ATRNL1: variants seen among roughly 807,000 people sequenced by gnomAD.
ATRNL1 encodes attractin-like protein 1.
In ATRNL1, 95 loss-of-function variants were observed where a neutral mutation model predicts 182.7. That is an observed-to-expected ratio of 0.52 (90% CI 0.44 to 0.62). ATRNL1 has a LOEUF of 0.62. ATRNL1 is among the 20% of genes least tolerant of loss of function. The pLI is 0.00. For missense variants in ATRNL1, 1,471 were observed against 1,679.5 expected (o/e 0.88, Z 2.17); for synonymous variants, 576 against 568.3 (o/e 1.01, Z -0.19).
At chr10:115,674,614 T>C (rs1029855813) in intron 26 of ATRNL1, among the ~76,000 whole-genome samples, 1 of 152,136 alleles carries the variant, frequency 6.6e-6, no homozygotes, top group African/African-American at 2.4e-5. Flanking sequence ...ATGAAATTTT[T>C]GTAAGTACTT....
intron 8 of ATRNL1, among the ~76,000 whole-genome samples, chr10:115,214,702 A>G (rs1849163455): frequency 6.6e-6 from 1 of 152,156 alleles, no homozygotes; most frequent in Non-Finnish European, 1.5e-5. Flanking sequence ...ACAGATTTTT[A>G]TATAGCTGCT....
chr10:115,697,967 CT>C (rs1444805918), intron 26 of ATRNL1, among the ~76,000 whole-genome samples: 4 of 152,122 alleles, frequency 2.6e-5, no homozygotes, highest in Non-Finnish European at 5.9e-5. Context: ...CCACTTTTCC[CT>C]TTTGAAACAC....
intron 28 of ATRNL1, among the ~76,000 whole-genome samples, chr10:115,860,220 C>T (rs1382727223): frequency 1.3e-5 from 2 of 152,160 alleles, no homozygotes; most frequent in African/African-American, 4.8e-5. Flanking sequence ...GTTCTCTGAA[C>T]CTGCTGTCTG....
At chr10:115,737,306 A>G (rs1339573263) in intron 27 of ATRNL1, among the ~76,000 whole-genome samples, 10 of 150,098 alleles carry the variant, frequency 6.7e-5, no homozygotes, top group African/African-American at 2.2e-4. Flanking sequence ...GCATGGTGGC[A>G]TGCATCTATG....
At chr10:115,396,826 T>C (rs1276628480) in intron 20 of ATRNL1, among the ~76,000 whole-genome samples, 2 of 151,936 alleles carry the variant, frequency 1.3e-5, no homozygotes, top group Non-Finnish European at 2.9e-5. Context: ...TTTTAATTCA[T>C]TGAAATAGTG....
intron 26 of ATRNL1, among the ~76,000 whole-genome samples, chr10:115,590,860 A>T (rs782690297): frequency 3.9e-5 from 6 of 152,156 alleles, no homozygotes; most frequent in Non-Finnish European, 8.8e-5. Flanking sequence ...CAGAGGTTTC[A>T]CCATCCCTCT....
chr10:115,389,545 T>TATAG (rs1843877576), intron 19 of ATRNL1, among the ~76,000 whole-genome samples: 1 of 9,710 alleles, frequency 1.0e-4, no homozygotes, highest in Non-Finnish European at 1.7e-4. Context: ...TATGTGTATA[T>TATAG]ATATATATAT....
chr10:115,410,997 A>C (rs782805703), intron 20 of ATRNL1, among the ~76,000 whole-genome samples: 1 of 152,114 alleles, frequency 6.6e-6, no homozygotes, highest in Non-Finnish European at 1.5e-5. Context: ...CGGCATCCCA[A>C]AGTACTGGGA....
intron 26 of ATRNL1, among the ~76,000 whole-genome samples, chr10:115,559,414 T>TTG (rs138709567): frequency 0.022 from 3,200 of 147,608 alleles, 41 homozygotes; most frequent in Non-Finnish European, 0.028. Context: ...TTCTTGGTGT[T>TTG]TGTGTGTGTG....
At chr10:115,392,648 G>T (rs1844086430) in intron 19 of ATRNL1, among the ~76,000 whole-genome samples, 1 of 152,144 alleles carries the variant, frequency 6.6e-6, no homozygotes, top group Admixed American at 6.6e-5. Flanking sequence ...TTTAGTTAAG[G>T]TCCTCTGTGT....
intron 26 of ATRNL1, among the ~76,000 whole-genome samples, chr10:115,588,441 G>C (rs1435884907): frequency 6.6e-6 from 1 of 152,172 alleles, no homozygotes; most frequent in Non-Finnish European, 1.5e-5. Context: ...TCTGTCAAAA[G>C]CCAAAACTTT....
At chr10:115,128,826 CA>C (rs369416130) in intron 4 of ATRNL1, among the ~76,000 whole-genome samples, 65,059 of 110,386 alleles carry the variant, frequency 0.59, 16,783 homozygotes, top group Middle Eastern at 0.71. Flanking sequence ...GACTGTGTCT[CA>C]AAAAAAAAAA....
chr10:115,320,046 A>T (rs145492699), intron 18 of ATRNL1, among the ~76,000 whole-genome samples: 218 of 151,912 alleles, frequency 1.4e-3, no homozygotes, highest in Non-Finnish European at 2.4e-3. Flanking sequence ...TTTCCATTCC[A>T]TATTTAGTGC....
At chr10:115,706,926 C>T (rs974989346) in intron 26 of ATRNL1, among the ~76,000 whole-genome samples, 2 of 151,826 alleles carry the variant, frequency 1.3e-5, no homozygotes, top group African/African-American at 4.8e-5. Flanking sequence ...GCTTCTATTT[C>T]ACAGAAAATT....
chr10:115,280,691 CTT>C (rs1852321851), intron 13 of ATRNL1, among the ~76,000 whole-genome samples: 1 of 152,168 alleles, frequency 6.6e-6, no homozygotes, highest in Non-Finnish European at 1.5e-5. Flanking sequence ...TCTGGTGTCT[CTT>C]TTGAAAAGAC....
intron 26 of ATRNL1, among the ~76,000 whole-genome samples, chr10:115,576,136 G>A (rs2804182): frequency 0.97 from 147,929 of 152,120 alleles, 72,089 homozygotes; most frequent in East Asian, 1. Context: ...CCATTCATGC[G>A]TTGATGGACA....
intron 26 of ATRNL1, among the ~76,000 whole-genome samples, chr10:115,558,084 A>T (rs57158754): frequency 6.6e-6 from 1 of 150,910 alleles, no homozygotes. Context: ...AAAACCATTT[A>T]AAATACCTGG....
rs1856612172 is a variant in ATRNL1, at chr10:115,358,777, T to C, written c.3175+24358T>C. ...AGTGGTCTAAACCAGTATGTTCTTATATTTTCTTTGACTCTCACATGCAAC... is the reference window on the plus strand; with the variant it reads ...AGTGGTCTAAACCAGTATGTTCTTACATTTTCTTTGACTCTCACATGCAAC... On this transcript the variant is annotated intron_variant, in intron 19 of 28. Transcript: ENST00000355044. 1.3e-5 allele frequency among the ~76,000 whole-genome samples: 2 copies of C among 151,766 alleles called. 1 individual carries two copies. Among genetic ancestry groups the C allele is most frequent in the South Asian group, 4.1e-4 (2 of 4,830 alleles).
At chr10:115,231,607 A>C (rs1157206432) in intron 9 of ATRNL1, among the ~76,000 whole-genome samples, 1 of 152,182 alleles carries the variant, frequency 6.6e-6, no homozygotes, top group African/African-American at 2.4e-5. Context: ...TGCCAAAAAT[A>C]AAGGGAATAA....
Sources: gnomAD v4.1 joint callset for allele counts (sites outside exome capture counted in the v4.1 genomes callset) on GRCh38, gnomAD v4.1.1 for gene constraint, MANE v1.5 for transcripts, NCBI Gene and HGNC (gene_info 2026-07-23, HGNC 2026-07-21) for gene names.